SMIM14: variants seen among roughly 807,000 people sequenced by gnomAD.
The protein encoded by SMIM14 is small integral membrane protein 14.
SMIM14 carries 5 observed loss-of-function variants against 12.6 expected under a neutral mutation model. The ratio of observed to expected loss-of-function variants is 0.40; its 90% CI spans 0.21 to 0.83. The LOEUF (loss-of-function observed/expected upper bound fraction) is 0.83. Among genes scored for constraint, SMIM14 ranks in the 40% least tolerant of loss-of-function variants. SMIM14 has a pLI of 0.37. For missense variants in SMIM14, 86 were observed against 119.1 expected, an observed-to-expected ratio of 0.72 and a Z score of 1.29; for synonymous variants, 30 against 40.1, an observed-to-expected ratio of 0.75 and a Z score of 0.95.
At chr4:39,561,652 G>C (rs902856600) in intron 3 of SMIM14, among the ~76,000 whole-genome samples, 1 of 152,056 alleles carries the variant, frequency 6.6e-6, no homozygotes, top group African/African-American at 2.4e-5. Context: ...GGGCACGGTG[G>C]CTCACACCTG....
chr4:39,598,091 C>T (rs1399061942), intron 2 of SMIM14, among the ~76,000 whole-genome samples: 1 of 152,124 alleles, frequency 6.6e-6, no homozygotes, highest in Admixed American at 6.6e-5. Context: ...GAGTCCTCCC[C>T]ACAAAAAGTT....
At chr4:39,596,380 C>T (rs1714364388) in intron 2 of SMIM14, among the ~76,000 whole-genome samples, 1 of 152,190 alleles carries the variant, frequency 6.6e-6, no homozygotes, top group South Asian at 2.1e-4. Flanking sequence ...CAGGCGTGAG[C>T]CACCGGGCCC....
At chr4:39,620,845 A>AAC (rs146912933) in intron 1 of SMIM14, among the ~76,000 whole-genome samples, 7 of 151,898 alleles carry the variant, frequency 4.6e-5, no homozygotes, top group East Asian at 1.9e-4. Context: ...ATGGTGTGCA[A>AAC]ACACACACAC....
chr4:39,636,366 G>A (rs1265128005), intron 1 of SMIM14, among the ~76,000 whole-genome samples: 1 of 152,076 alleles, frequency 6.6e-6, no homozygotes, highest in East Asian at 1.9e-4. Flanking sequence ...CTCAGGCTGT[G>A]CTTTCTTTCC....
At chr4:39,622,749 G>A (rs1461991276) in intron 1 of SMIM14, among the ~76,000 whole-genome samples, 3 of 152,186 alleles carry the variant, frequency 2.0e-5, no homozygotes, top group Non-Finnish European at 4.4e-5. Context: ...AAATGAAAAG[G>A]CTGAAAGAAA....
chr4:39,564,819 G>A (rs559723815), intron 3 of SMIM14, among the ~76,000 whole-genome samples: 111 of 152,320 alleles, frequency 7.3e-4, no homozygotes, highest in Non-Finnish European at 1.4e-3. Context: ...ACAAGGAACA[G>A]CGAGAACTCC....
chr4:39,572,346 T>C, intron 3 of SMIM14, 69 bp downstream of exon 3: 1 of 591,378 alleles, frequency 1.7e-6, no homozygotes, highest in Non-Finnish European at 2.6e-6. Context: ...TTCTGACAAA[T>C]ATTCACAGGC....
chr4:39,547,441 T>C lies in SMIM14; in HGVS notation c.*4685A>G, dbSNP rs955532143. The C allele has an allele frequency of 2.0e-5, 3 of 152,178 alleles. No homozygotes were observed. Among genetic ancestry groups the C allele is most frequent in the African/African-American group, 7.2e-5 (3 of 41,444 alleles). The allele number at this position is 152,178 out of a possible 1,614,324, so 9.4% of individuals were successfully genotyped here. On this transcript the variant is annotated 3_prime_UTR_variant, in exon 5 of 5. Transcript: ENST00000295958. ...TTTGGCGTGATTTAAACATATAAAA[T>C]CAGTAATTAACATTTAGCATATCAC...
chr4:39,586,007 C>T (rs188194279), intron 2 of SMIM14, among the ~76,000 whole-genome samples: 5 of 152,156 alleles, frequency 3.3e-5, no homozygotes, highest in Middle Eastern at 3.4e-3. Context: ...AAAAGAACTC[C>T]GACCTCTATT....
chr4:39,611,737 C>T (rs1715043683), intron 1 of SMIM14, among the ~76,000 whole-genome samples: 1 of 152,106 alleles, frequency 6.6e-6, no homozygotes, highest in East Asian at 1.9e-4. Flanking sequence ...TTCTGTACAG[C>T]ATGTTTACTG....
In SMIM14 at chr4:39,550,021, G is replaced by T. The variant is rs977480160; in HGVS notation, c.*2105C>A. The T allele has an allele frequency of 5.9e-5, 9 of 152,218 alleles. No individual in the cohort carries two copies. In the East Asian group the frequency reaches 1.7e-3, roughly 29 times the overall value. The allele number at this position is 152,218 out of a possible 1,614,324, so 9.4% of individuals were successfully genotyped here. ...GAAAAGATGCCCTTACAATGTTTAT[G>T]ATCTAGAATGTAATCATAATAAAGG... On this transcript the variant is annotated 3_prime_UTR_variant, in exon 5 of 5. Coordinates refer to ENST00000295958, the MANE Select transcript of SMIM14 (RefSeq NM_174921.3).
At chr4:39,618,595 A>C (rs1318769504) in intron 1 of SMIM14, among the ~76,000 whole-genome samples, 1 of 149,890 alleles carries the variant, frequency 6.7e-6, no homozygotes, top group Non-Finnish European at 1.5e-5. Flanking sequence ...GGTTGCAGTG[A>C]ATTGAGATCG....
intron 1 of SMIM14, among the ~76,000 whole-genome samples, chr4:39,617,294 G>A (rs1365127673): frequency 6.6e-6 from 1 of 152,172 alleles, no homozygotes; most frequent in East Asian, 1.9e-4. Context: ...GATGACCTAA[G>A]TGGCCTGGGG....
At chr4:39,583,229 TA>T (rs1217494599) in intron 2 of SMIM14, among the ~76,000 whole-genome samples, 6 of 152,030 alleles carry the variant, frequency 3.9e-5, no homozygotes, top group African/African-American at 1.5e-4. Context: ...GTTGGGACTA[TA>T]GGCACATGCC....
intron 3 of SMIM14, among the ~76,000 whole-genome samples, chr4:39,571,335 T>C (rs1712869567): frequency 6.6e-6 from 1 of 151,692 alleles, no homozygotes; most frequent in Non-Finnish European, 1.5e-5. Flanking sequence ...CCAAGCACTT[T>C]GAGAGGCCGA....
At position 39,590,374 on chromosome 4, in the gene SMIM14, T is replaced by C. The variant is rs148931944; in HGVS notation, c.75+14697A>G. Reference sequence around the variant, plus strand: ...GTTACGGTGACCCGAGAATGCGCCATTGCACTCCAGCCTGAGCAACAAGAG... The same window carrying C: ...GTTACGGTGACCCGAGAATGCGCCACTGCACTCCAGCCTGAGCAACAAGAG... On this transcript the variant is annotated intron_variant, in intron 2 of 4. Coordinates refer to ENST00000295958, the MANE Select transcript of SMIM14 (RefSeq NM_174921.3). 4.6e-3 allele frequency among the ~76,000 whole-genome samples: 689 copies of C among 150,098 alleles called. 5 individuals are homozygous for C. Among genetic ancestry groups the C allele is most frequent in the African/African-American group, 0.016 (652 of 40,734 alleles).
chr4:39,569,820 C>G (rs1712792490), intron 3 of SMIM14, among the ~76,000 whole-genome samples: 1 of 152,168 alleles, frequency 6.6e-6, no homozygotes, highest in African/African-American at 2.4e-5. Flanking sequence ...AAAGCTCCCT[C>G]TATTCCCCTC....
chr4:39,601,537 T>A (rs933667569), intron 2 of SMIM14, among the ~76,000 whole-genome samples: 1 of 152,186 alleles, frequency 6.6e-6, no homozygotes, highest in Non-Finnish European at 1.5e-5. Context: ...CGGCAAAAAA[T>A]TATACCCTCA....
At chr4:39,628,958 C>G (rs1715808149) in intron 1 of SMIM14, among the ~76,000 whole-genome samples, 2 of 150,848 alleles carry the variant, frequency 1.3e-5, no homozygotes, top group Admixed American at 1.3e-4. Context: ...GTCTCGAACT[C>G]CTTACTTCAG....
Sources: gnomAD v4.1 joint callset for allele counts (sites outside exome capture counted in the v4.1 genomes callset) on GRCh38, gnomAD v4.1.1 for gene constraint, MANE v1.5 for transcripts, NCBI Gene and HGNC (gene_info 2026-07-23, HGNC 2026-07-21) for gene names.